The following SCNN1B variants were observed in gnomAD, a reference collection of about 807,000 sequenced individuals.
SCNN1B encodes sodium channel epithelial 1 subunit beta, also known as epithelial sodium channel subunit beta.
In SCNN1B, 46 loss-of-function variants were observed where a neutral mutation model predicts 65.3. The observed-to-expected ratio is 0.70, with a 90% CI of 0.56 to 0.90. The LOEUF (loss-of-function observed/expected upper bound fraction) is 0.90, where lower values mean the gene tolerates loss of function less well. SCNN1B is among the 40% of genes least tolerant of loss of function. SCNN1B has a pLI of 0.00. For synonymous variants in SCNN1B, 349 were observed against 330.6 expected (o/e 1.06, Z -0.60); for missense variants, 751 against 830.5 (o/e 0.90, Z 1.18).
At chr16:23,300,780 A>G (rs1475013556), upstream of SCNN1B, among the ~76,000 whole-genome samples, 1 of 152,196 alleles carries the variant, frequency 6.6e-6, no homozygotes, top group Non-Finnish European at 1.5e-5. Flanking sequence ...TGCAGGGGTC[A>G]CACCACTGCG....
intron 1 of SCNN1B, among the ~76,000 whole-genome samples, chr16:23,307,295 C>CTTTTT (rs761118487): frequency 8.8e-6 from 1 of 113,316 alleles, no homozygotes; most frequent in Non-Finnish European, 1.7e-5. Flanking sequence ...GCCTGTGCTC[C>CTTTTT]TTTTTTTTTT....
intron 2 of SCNN1B, among the ~76,000 whole-genome samples, chr16:23,290,334 G>T (rs1960905650): frequency 6.6e-6 from 1 of 152,080 alleles, no homozygotes; most frequent in Non-Finnish European, 1.5e-5. Context: ...TGGAGTCAGG[G>T]TTTCACTCTG....
intron 2 of SCNN1B, among the ~76,000 whole-genome samples, chr16:23,287,991 C>CAAAA (rs113127053): frequency 3.5e-5 from 4 of 114,604 alleles, no homozygotes; most frequent in Non-Finnish European, 5.8e-5. Flanking sequence ...CCCATCTCTA[C>CAAAA]AAAAAAAAAA....
intron 4 of SCNN1B, among the ~76,000 whole-genome samples, chr16:23,367,419 C>T (rs1481875375): frequency 1.3e-5 from 2 of 152,020 alleles, no homozygotes; most frequent in African/African-American, 4.8e-5. Flanking sequence ...ACCTCAGCCT[C>T]CCAAGTAACT....
chr16:23,290,927 C>A (rs555459493), intron 2 of SCNN1B, among the ~76,000 whole-genome samples: 30 of 152,202 alleles, frequency 2.0e-4, no homozygotes, highest in Non-Finnish European at 3.5e-4. Flanking sequence ...TGAAAGCAAG[C>A]CCCTCCTATT....
Position 23,380,687 on chromosome 16 carries a change from C to T in SCNN1B, c.1809C>T (p.Pro603=), listed in dbSNP as rs1268049564. 3.1e-6 allele frequency: 5 copies of T among 1,612,396 alleles called. No individual in the cohort carries two copies. The highest frequency in any genetic ancestry group is 3.4e-6 in the Non-Finnish European group (4 of 1,179,400). The change falls in exon 13 of 13, where the codon CCC becomes CCT. Residue 603 remains proline (P), a synonymous_variant. Transcript: ENST00000343070. The surrounding 1 kb of genome is among the most constrained non-coding windows in gnomAD (Gnocchi z 5.4). ...DTAPRSPNTG[P]YPSEQALPIP... Reference sequence around the variant, plus strand: ...CCCCCCGCAGCCCCAACACTGGGCCCTACCCCAGTGAGCAGGCCCTGCCCA... The same window carrying T: ...CCCCCCGCAGCCCCAACACTGGGCCTTACCCCAGTGAGCAGGCCCTGCCCA...
chr16:23,331,301 G>A (rs925657418), intron 1 of SCNN1B, among the ~76,000 whole-genome samples: 1 of 151,778 alleles, frequency 6.6e-6, no homozygotes, highest in Non-Finnish European at 1.5e-5. Flanking sequence ...AAAGTTCAAG[G>A]GGCCAGGGAG....
chr16:23,375,289 C>T (rs1383052638), intron 7 of SCNN1B, among the ~76,000 whole-genome samples: 1 of 152,172 alleles, frequency 6.6e-6, no homozygotes, highest in Non-Finnish European at 1.5e-5. Flanking sequence ...GGGCAATTCC[C>T]TCTGGGAGGA....
chr16:23,332,599 G>A (rs1366659891), intron 1 of SCNN1B, among the ~76,000 whole-genome samples: 1 of 152,146 alleles, frequency 6.6e-6, no homozygotes, highest in African/African-American at 2.4e-5. Context: ...CCAAGGTGCT[G>A]GAATTACAGG....
intron 2 of SCNN1B, among the ~76,000 whole-genome samples, chr16:23,292,660 T>C (rs376025469): frequency 9.2e-5 from 14 of 151,996 alleles, no homozygotes; most frequent in African/African-American, 2.2e-4. Flanking sequence ...CACTGTACCA[T>C]GCCTGGCTAA....
At position 23,281,041 on chromosome 16, in the gene SCNN1B, C is replaced by T. The variant is rs191960670; in HGVS notation, n.111-2696C>T. 2.0e-5 allele frequency among the ~76,000 whole-genome samples: 3 copies of T among 152,326 alleles called. No individual in the cohort carries two copies. In the East Asian group the frequency reaches 5.8e-4, roughly 29 times the overall value. Reference sequence around the variant, plus strand: ...ACCCTGGAGGTGGACTGCTTAGGCACAAATCGTGCCTCCTCTTCTGTACAA... The same window carrying T: ...ACCCTGGAGGTGGACTGCTTAGGCATAAATCGTGCCTCCTCTTCTGTACAA... On this transcript the variant is annotated intron_variant and non_coding_transcript_variant, in intron 1 of 3. Transcript: ENST00000569789.
intron 1 of SCNN1B, among the ~76,000 whole-genome samples, chr16:23,322,710 ATTAC>A (rs1961614206): frequency 6.6e-6 from 1 of 152,238 alleles, no homozygotes; most frequent in African/African-American, 2.4e-5. Flanking sequence ...TATCCAAAAT[ATTAC>A]TTCAACATAT....
At chr16:23,300,859 C>A (rs1596814185), upstream of SCNN1B, among the ~76,000 whole-genome samples, 2 of 151,818 alleles carry the variant, frequency 1.3e-5, no homozygotes, top group South Asian at 2.1e-4. Flanking sequence ...TGTAAAAAAG[C>A]CTTTTATTTA....
In SCNN1B at chr16:23,367,883, C is replaced by G; in HGVS notation, c.804C>G (p.His268Gln). ...ACTTCACGTCCATCTTCTACCCTCA[C>G]TATGGCAACTGTTACATCTTCAACT... is the stretch of plus-strand genomic sequence containing the variant. Reference protein sequence around the residue: ...YRNFTSIFYPHYGNCYIFNWG... With the variant: ...YRNFTSIFYPQYGNCYIFNWG... Residue 268 changes from histidine (H) to glutamine (Q), a missense_variant, in exon 5 of 13, where the codon CAC becomes CAG. Physicochemically the swap from His to Gln is conservative, Grantham distance 24. Coordinates refer to ENST00000343070, the MANE Select transcript of SCNN1B (RefSeq NM_000336.3). 1 of 1,614,200 alleles carries G rather than the reference C, an allele frequency of 6.2e-7. No homozygotes were observed. The highest frequency in any genetic ancestry group is 8.5e-7 in the Non-Finnish European group (1 of 1,179,980).
chr16:23,292,517 T>G (rs1229185498), intron 2 of SCNN1B, among the ~76,000 whole-genome samples: 1 of 151,058 alleles, frequency 6.6e-6, no homozygotes, highest in Non-Finnish European at 1.5e-5. Context: ...ACTTTTTATT[T>G]CTTTGAGACA....
intron 2 of SCNN1B, among the ~76,000 whole-genome samples, chr16:23,295,116 T>C (rs1960977661): frequency 6.6e-6 from 1 of 152,230 alleles, no homozygotes; most frequent in Non-Finnish European, 1.5e-5. Flanking sequence ...GTCTGTCTCC[T>C]CTCACTAGAA....
At chr16:23,372,687 G>A (rs1472564492) in intron 7 of SCNN1B, among the ~76,000 whole-genome samples, 2 of 151,486 alleles carry the variant, frequency 1.3e-5, no homozygotes. Context: ...TAGAGACGGG[G>A]TTTCACCAAG....
At chr16:23,299,059 C>CTTTTTTTTTTTTTT (rs552336545), upstream of SCNN1B, among the ~76,000 whole-genome samples, 1 of 130,552 alleles carries the variant, frequency 7.7e-6, no homozygotes, top group Non-Finnish European at 1.7e-5. Context: ...TTTTCTTTTT[C>CTTTTTTTTTTTTTT]TTTTTTTTTT....
rs558304056 is a variant in SCNN1B, at chr16:23,364,269, A to C, written c.777-3587A>C. On this transcript the variant is annotated intron_variant, in intron 4 of 12. Coordinates refer to ENST00000343070, the MANE Select transcript of SCNN1B (RefSeq NM_000336.3). ...TAGTAATAAAGTACTATTAACTAAT[A>C]GTTCTAGTCCATCACTTTGCATAGG... Among the ~76,000 whole-genome samples the C allele has an allele frequency of 2.0e-5, 3 of 152,352 alleles. No individual in the cohort carries two copies. The South Asian group carries it at 6.2e-4, about 32-fold the overall frequency.
Sources: allele counts gnomAD v4.1 joint callset (sites outside exome capture counted in the v4.1 genomes callset), GRCh38; gene constraint gnomAD v4.1.1; non-coding constraint Gnocchi (gnomAD v3.1); transcripts MANE v1.5; gene names NCBI Gene and HGNC (gene_info 2026-07-23, HGNC 2026-07-21).